OSBPL1A: variants seen among roughly 807,000 people sequenced by gnomAD.
The protein encoded by OSBPL1A is oxysterol binding protein like 1A, also known as oxysterol-binding protein-related protein 1.
A neutral mutation model predicts 137.1 loss-of-function variants in OSBPL1A; 80 were observed. That is an observed-to-expected ratio of 0.58 (90% confidence interval 0.49 to 0.70). OSBPL1A has a LOEUF of 0.70. OSBPL1A is among the 30% of genes least tolerant of loss of function. The pLI is 0.00. For missense variants in OSBPL1A, 970 were observed against 1,129.4 expected (o/e 0.86, Z 2.02); for synonymous variants, 365 against 389.7 (o/e 0.94, Z 0.75).
In OSBPL1A at chr18:24,310,990, A is replaced by G. The variant is rs139450606; in HGVS notation, c.1092+994T>C. Among the ~76,000 whole-genome samples, 691 of 152,250 alleles carry G rather than the reference A, an allele frequency of 4.5e-3. 2 individuals are homozygous for G. The highest frequency in any genetic ancestry group is 0.016 in the African/African-American group (646 of 41,542). ...GTTCACTGATCTGAAAATTTTGTTT[A>G]TGGTTCTCACATACACATTAGGCTT... is the stretch of plus-strand genomic sequence containing the variant. On this transcript the variant is annotated intron_variant, in intron 13 of 27. Transcript: ENST00000319481.
intron 14 of OSBPL1A, among the ~76,000 whole-genome samples, chr18:24,281,671 G>A (rs981300439): frequency 7.9e-5 from 12 of 152,306 alleles, no homozygotes; most frequent in African/African-American, 2.2e-4. Context: ...GATTACAGGC[G>A]TGAGCCACTG....
Position 24,166,654 on chromosome 18 carries a change from C to G in OSBPL1A, c.2584G>C (p.Asp862His). Residue 862 changes from aspartate (D) to histidine (H), a missense_variant, in exon 26 of 28, where the codon GAC becomes CAC. Coordinates refer to ENST00000319481, the MANE Select transcript of OSBPL1A (RefSeq NM_080597.4). ...GTCTTGGGAATCACACTCTCCATGT[C>G]TTTGTCTACTTCATTCAAAACCATT... ...FAMVLNEVDK[D>H]MESVIPKTDC... 1 of 1,613,324 alleles carries G rather than the reference C, an allele frequency of 6.2e-7. No homozygotes were observed. Among genetic ancestry groups the G allele is most frequent in the Non-Finnish European group, 8.5e-7 (1 of 1,179,720 alleles).
chr18:24,187,568 A>C (rs2086783658), intron 18 of OSBPL1A, among the ~76,000 whole-genome samples: 1 of 152,240 alleles, frequency 6.6e-6, no homozygotes, highest in African/African-American at 2.4e-5. Context: ...AGGCTTGTAA[A>C]GATGAGATGA....
intron 1 of OSBPL1A, among the ~76,000 whole-genome samples, chr18:24,384,444 C>T (rs1305044062): frequency 6.6e-6 from 1 of 151,958 alleles, no homozygotes; most frequent in Non-Finnish European, 1.5e-5. Context: ...GGTGGTGGCA[C>T]ATGCCTGTAG....
At chr18:24,341,748 C>G (rs770457680) in intron 4 of OSBPL1A, 90 bp from the exon 5 acceptor site, 1 of 749,950 alleles carries the variant, frequency 1.3e-6, no homozygotes, top group Non-Finnish European at 2.1e-6. Flanking sequence ...TACAGAGTCT[C>G]CACAATAGAA....
chr18:24,169,118 G>A (rs1034283504), intron 24 of OSBPL1A, among the ~76,000 whole-genome samples: 1 of 152,196 alleles, frequency 6.6e-6, no homozygotes, highest in African/African-American at 2.4e-5. Context: ...AGGAACATGG[G>A]ATATAAAGAG....
intron 9 of OSBPL1A, 143 bp from the exon 10 acceptor site, chr18:24,317,543 A>C: frequency 1.4e-6 from 1 of 690,824 alleles, no homozygotes; most frequent in South Asian, 1.8e-5. Context: ...ATCAAACATG[A>C]ACTTAGGTAC....
chr18:24,329,204 C>T (rs1025169118), intron 7 of OSBPL1A, among the ~76,000 whole-genome samples: 1 of 152,066 alleles, frequency 6.6e-6, no homozygotes, highest in African/African-American at 2.4e-5. Context: ...AAAGATCACA[C>T]CACTGCACTC....
chr18:24,181,105 G>C (rs1370857476), intron 19 of OSBPL1A, 40 bp downstream of exon 19: 2 of 1,595,186 alleles, frequency 1.3e-6, no homozygotes, highest in South Asian at 2.3e-5. Flanking sequence ...TTGGTAGCAA[G>C]GTCTCTAAGA....
At chr18:24,326,394 C>A (rs952835235) in intron 7 of OSBPL1A, among the ~76,000 whole-genome samples, 2 of 152,238 alleles carry the variant, frequency 1.3e-5, no homozygotes, top group Non-Finnish European at 2.9e-5. Flanking sequence ...GCAGTCACCT[C>A]TGTACCATAT....
chr18:24,302,895 C>G (rs565553798), intron 14 of OSBPL1A: 2 of 152,262 alleles, frequency 1.3e-5, no homozygotes, highest in East Asian at 3.9e-4. Context: ...GATGAGGGCA[C>G]TGAAGCTCGC....
In OSBPL1A at chr18:24,346,818, G is replaced by A. The variant is rs2091353533; in HGVS notation, c.283-5160C>T. On this transcript the variant is annotated intron_variant, in intron 4 of 27. Coordinates refer to ENST00000319481, the MANE Select transcript of OSBPL1A (RefSeq NM_080597.4). ...GTGTAGTGGCATGATCATAGTCACTGCAGCCTCAAGCTCCTGGCTCAAGAG... is the reference window on the plus strand; with the variant it reads ...GTGTAGTGGCATGATCATAGTCACTACAGCCTCAAGCTCCTGGCTCAAGAG... Among the ~76,000 whole-genome samples, 3 of 151,884 alleles carry A rather than the reference G, an allele frequency of 2.0e-5. No individual in the cohort carries two copies. In the South Asian group the frequency reaches 6.2e-4, roughly 31 times the overall value.
chr18:24,286,297 A>G (rs1243970331), intron 14 of OSBPL1A, among the ~76,000 whole-genome samples: 1 of 152,268 alleles, frequency 6.6e-6, no homozygotes, highest in Non-Finnish European at 1.5e-5. Context: ...ACTACTCCAT[A>G]AAACTATAAC....
At position 24,260,623 on chromosome 18, in the gene OSBPL1A, G is replaced by A. The variant is rs546567609; in HGVS notation, c.1281+20219C>T. ...AAATCCATAGAGAAGAAGCAGATTCGTGGTTTTCAGGGACTGGGGATGGGG... is the reference window on the plus strand; with the variant it reads ...AAATCCATAGAGAAGAAGCAGATTCATGGTTTTCAGGGACTGGGGATGGGG... On this transcript the variant is annotated intron_variant, in intron 15 of 27. Coordinates refer to ENST00000319481, the MANE Select transcript of OSBPL1A (RefSeq NM_080597.4). Among the ~76,000 whole-genome samples the A allele has an allele frequency of 2.0e-5, 3 of 152,248 alleles. No individual in the cohort carries two copies. In the South Asian group the frequency reaches 6.2e-4, roughly 32 times the overall value.
chr18:24,166,322 T>C lies in OSBPL1A; in HGVS notation c.2659+257A>G, dbSNP rs537671793. ...TAGACAGTGACTTTATTAGTCGGAA[T>C]ATGCCTCTGGCCATCTCCAGTATAT... is the stretch of plus-strand genomic sequence containing the variant. On this transcript the variant is annotated intron_variant, in intron 26 of 27. Transcript: ENST00000319481. Among the ~76,000 whole-genome samples the C allele has an allele frequency of 3.3e-5, 5 of 152,346 alleles. No homozygotes were observed. The East Asian group carries it at 9.6e-4, about 29-fold the overall frequency.
chr18:24,215,633 G>T (rs913234763), intron 17 of OSBPL1A, among the ~76,000 whole-genome samples: 1 of 152,080 alleles, frequency 6.6e-6, no homozygotes, highest in Non-Finnish European at 1.5e-5. Context: ...CCCCTGAGGC[G>T]ATTTTCTCCT....
At chr18:24,279,673 T>C (rs971326594) in intron 15 of OSBPL1A, among the ~76,000 whole-genome samples, 2 of 152,140 alleles carry the variant, frequency 1.3e-5, no homozygotes, top group Non-Finnish European at 2.9e-5. Context: ...AAAGAAAGCC[T>C]AGTGACCTTG....
At chr18:24,272,255 CTTTTTTTTTTTTTTT>C (rs2089743348) in intron 15 of OSBPL1A, 1 of 594,938 alleles carries the variant, frequency 1.7e-6, no homozygotes, top group African/African-American at 2.1e-5. Flanking sequence ...TTTCTTTTTT[CTTTTTTTTTTTTTTT>C]AACCAACCCG....
At chr18:24,392,882 G>C (rs1907455741) in intron 1 of OSBPL1A, among the ~76,000 whole-genome samples, 1 of 152,082 alleles carries the variant, frequency 6.6e-6, no homozygotes, top group South Asian at 2.1e-4. Flanking sequence ...ATAGAGATGT[G>C]GTCTGGCTAC....
Sources: gnomAD v4.1 joint callset for allele counts (sites outside exome capture counted in the v4.1 genomes callset) on GRCh38, gnomAD v4.1.1 for gene constraint, MANE v1.5 for transcripts, NCBI Gene and HGNC (gene_info 2026-07-23, HGNC 2026-07-21) for gene names.